Variants in FBXO47 observed in about 807,000 individuals in gnomAD.
FBXO47 encodes the protein F-box only protein 47.
A neutral mutation model predicts 53.9 loss-of-function variants in FBXO47; 34 were observed. That is an observed-to-expected ratio of 0.63 (90% CI 0.48 to 0.84). The LOEUF (loss-of-function observed/expected upper bound fraction) is 0.84, where lower values mean the gene tolerates loss of function less well. Ranked by LOEUF, FBXO47 falls within the 40% of genes least tolerant of loss-of-function variation. The pLI is 0.00. For missense variants in FBXO47, 485 were observed against 541.3 expected (o/e 0.90, Z 1.03); for synonymous variants, 165 against 181.6 (o/e 0.91, Z 0.73).
chr17:38,958,895 G>C (rs1485903877), intron 3 of FBXO47, among the ~76,000 whole-genome samples: 1 of 152,004 alleles, frequency 6.6e-6, no homozygotes, highest in Non-Finnish European at 1.5e-5. Flanking sequence ...TTCAGTGTTT[G>C]GTTTTTAAGC....
Position 38,951,664 on chromosome 17 carries a change from A to G in FBXO47, c.533T>C (p.Leu178Pro), listed in dbSNP as rs1323136654. Residue 178 changes from leucine (L) to proline (P), a missense_variant, in exon 6 of 11, where the codon CTT (leucine) becomes CCT (proline). Physicochemically the swap from Leu to Pro is moderately conservative, Grantham distance 98. Coordinates refer to ENST00000378079, the MANE Select transcript of FBXO47 (RefSeq NM_001008777.3). ...LQTLTAGWDE[L>P]ECHRVYNFLC... ...GAAATTATAAACGCGATGGCACTCA[A>G]GTTCATCCCAACCTGCTGTTAAGGT... 4.3e-6 allele frequency: 7 copies of G among 1,613,752 alleles called. No homozygotes were observed. Among genetic ancestry groups the G allele is most frequent in the Non-Finnish European group, 5.9e-6 (7 of 1,179,750 alleles).
Position 38,957,192 on chromosome 17 carries a change from G to C in FBXO47, c.414C>G (p.His138Gln). 6.2e-7 allele frequency: 1 copy of C among 1,604,416 alleles called. No homozygotes were observed. Among genetic ancestry groups the C allele is most frequent in the Non-Finnish European group, 8.5e-7 (1 of 1,171,750 alleles). Residue 138 changes from histidine (H) to glutamine (Q), a missense_variant, in exon 4 of 11, where the codon CAC (histidine) becomes CAG (glutamine). By Grantham distance (24) the His-to-Gln change is conservative. Coordinates refer to ENST00000378079, the MANE Select transcript of FBXO47 (RefSeq NM_001008777.3). ...ATGATCTTACTTCTGTGAGTATCTT[G>C]TGAATGTATTTTAGCCTTTCCTTGG... The part of the protein sequence containing the change: ...LPTKERLKYI[H>Q]KILTEVSCFK...
rs79018850 is a variant in FBXO47, at chr17:38,942,006, A to G, written c.1083+772T>C. 4.4e-3 allele frequency among the ~76,000 whole-genome samples: 666 copies of G among 152,088 alleles called. 9 individuals carry two copies. The highest frequency in any genetic ancestry group is 0.021 in the South Asian group (102 of 4,816). The stretch of plus-strand genomic sequence containing the variant: ...ATATTTTTAAGACTTTTTATTTTGA[A>G]ACATTTTGACTATACAAAATTAGAG... On this transcript the variant is annotated intron_variant, in intron 9 of 10. Transcript: ENST00000378079.
rs1915595526 is a variant in FBXO47, at chr17:38,937,009, TTAA to T, written c.*163_*165del. ...CTTGAGGCTGCCTGTTATTTTTATA[TTAA>T]TAATGATGTACGTAGTTGCTTCTAA... On this transcript the variant is annotated 3_prime_UTR_variant, in exon 11 of 11. Coordinates refer to ENST00000378079, the MANE Select transcript of FBXO47 (RefSeq NM_001008777.3). 1 of 410,632 alleles carries T rather than the reference TTAA, an allele frequency of 2.4e-6. No homozygotes were observed. The highest frequency in any genetic ancestry group is 4.3e-6 in the Non-Finnish European group (1 of 232,598). The allele number at this position is 410,632 out of a possible 1,614,324, so 25.4% of individuals were successfully genotyped here.
At chr17:38,963,291 C>A (rs957363306) in intron 1 of FBXO47, among the ~76,000 whole-genome samples, 2 of 151,974 alleles carry the variant, frequency 1.3e-5, no homozygotes, top group Admixed American at 1.3e-4. Context: ...GGTTCTTCTG[C>A]CTCAGCCTCC....
chr17:38,963,009 T>C lies in FBXO47; in HGVS notation c.17A>G (p.Asn6Ser). 1 of 1,612,410 alleles carries C rather than the reference T, an allele frequency of 6.2e-7. No individual in the cohort carries two copies. The highest frequency in any genetic ancestry group is 8.5e-7 in the Non-Finnish European group (1 of 1,178,770). MASRI[N>S]TNFTLIPNQK... ...GTTGGGAATCAAAGTGAAATTTGTA[T>C]TTATTCTGGATGCCATTCTTCTTCT... Residue 6 changes from asparagine (N) to serine (S), a missense_variant, in exon 2 of 11, where the codon AAT becomes AGT. Coordinates refer to ENST00000378079, the MANE Select transcript of FBXO47 (RefSeq NM_001008777.3).
intron 6 of FBXO47, among the ~76,000 whole-genome samples, chr17:38,947,107 CAT>C (rs376417023): frequency 5.1e-4 from 46 of 90,310 alleles, no homozygotes; most frequent in South Asian, 4.3e-3. Flanking sequence ...TATATATAAA[CAT>C]ATATATATAA....
chr17:38,962,959 G>C lies in FBXO47; in HGVS notation c.67C>G (p.Gln23Glu), dbSNP rs145254502. The change falls in exon 2 of 11, where the codon CAA becomes GAA. Residue 23 changes from glutamine (Q) to glutamate (E), a missense_variant. By Grantham distance (29) the Gln-to-Glu change is conservative. Transcript: ENST00000378079. ...AGGGTCTTGGAATAACAGCTGGTTT[G>C]ACGATTACTACGTCTAAGTTTCTGG... ...PNQKLRRSNR[Q>E]TSCYSKTLGS... 3.0e-4 allele frequency: 480 copies of C among 1,613,174 alleles called. 2 individuals are homozygous for C. The East Asian group carries it at 8.8e-3, about 30-fold the overall frequency.
intron 10 of FBXO47, among the ~76,000 whole-genome samples, chr17:38,937,836 T>G (rs1194023227): frequency 6.6e-6 from 1 of 151,760 alleles, no homozygotes; most frequent in Non-Finnish European, 1.5e-5. Flanking sequence ...CCCAGCTAAT[T>G]TTTTTGTATT....
intron 5 of FBXO47, among the ~76,000 whole-genome samples, chr17:38,952,141 AC>A (rs1394607938): frequency 2.0e-5 from 3 of 152,100 alleles, no homozygotes; most frequent in African/African-American, 7.2e-5. Flanking sequence ...CCTGGCTAAC[AC>A]GGTGAAACCC....
At chr17:38,952,896 G>A (rs1227434186) in intron 5 of FBXO47, among the ~76,000 whole-genome samples, 2 of 146,654 alleles carry the variant, frequency 1.4e-5, no homozygotes, top group African/African-American at 2.5e-5. Context: ...TCAGGTGATC[G>A]GCCTGCATCA....
At chr17:38,963,750 A>C (rs1225316317) in intron 1 of FBXO47, among the ~76,000 whole-genome samples, 1 of 151,752 alleles carries the variant, frequency 6.6e-6, no homozygotes, top group East Asian at 1.9e-4. Flanking sequence ...AGTGAATTAA[A>C]GTCTTTCTTC....
At chr17:38,958,866 A>G (rs551241081) in intron 3 of FBXO47, among the ~76,000 whole-genome samples, 18 of 152,280 alleles carry the variant, frequency 1.2e-4, no homozygotes, top group Admixed American at 8.5e-4. Context: ...TTGACAACTA[A>G]GGGAAAAAAA....
chr17:38,943,126 C>T (rs1904585857), intron 8 of FBXO47, among the ~76,000 whole-genome samples: 1 of 152,102 alleles, frequency 6.6e-6, no homozygotes, highest in East Asian at 1.9e-4. Context: ...TACAAATGTA[C>T]TAATAATATA....
intron 1 of FBXO47, among the ~76,000 whole-genome samples, chr17:38,963,667 C>T (rs7213323): frequency 0.42 from 63,162 of 151,846 alleles, 13,757 homozygotes; most frequent in African/African-American, 0.53. Flanking sequence ...GTGGCTCACG[C>T]CTGTAATCCC....
Position 38,939,238 on chromosome 17 carries a change from AGCG to A in FBXO47, c.1084-509_1084-507del, listed in dbSNP as rs546364220. Among the ~76,000 whole-genome samples the A allele has an allele frequency of 2.4e-3, 322 of 133,868 alleles. 2 individuals carry two copies. Among genetic ancestry groups the A allele is most frequent in the African/African-American group, 8.3e-3 (295 of 35,606 alleles). 87.8% of individuals were successfully genotyped at this position (133,868 alleles called of 152,430 possible). A position where few individuals can be genotyped will look rare whatever the true frequency, so the allele number is the denominator to read the frequency against. On this transcript the variant is annotated intron_variant, in intron 9 of 10. Transcript: ENST00000378079. ...AACTCAGGAGGCGGAGGATGCAGTG[AGCG>A]GAGATCATACCACTGCACTCCAGCC...
chr17:38,955,032 A>G, intron 4 of FBXO47, 99 bp from the exon 5 acceptor site: 1 of 908,258 alleles, frequency 1.1e-6, no homozygotes, highest in Non-Finnish European at 1.7e-6. Flanking sequence ...GAAATAAGCA[A>G]GAATTTTTTC....
At chr17:38,964,287 C>T (rs1905975518) in intron 1 of FBXO47, among the ~76,000 whole-genome samples, 1 of 151,962 alleles carries the variant, frequency 6.6e-6, no homozygotes, top group Non-Finnish European at 1.5e-5. Flanking sequence ...TGGTGAAACC[C>T]CGTCTCTACT....
In FBXO47 at chr17:38,940,973, T is replaced by A. The variant is rs371602918; in HGVS notation, c.1083+1805A>T. Among the ~76,000 whole-genome samples, 8 of 151,542 alleles carry A rather than the reference T, an allele frequency of 5.3e-5. No homozygotes were observed. The South Asian group carries it at 1.7e-3, about 31-fold the overall frequency. On this transcript the variant is annotated intron_variant, in intron 9 of 10. Transcript: ENST00000378079. ...GGATTATAGACATGAACCAATGCAC[T>A]CAGCCTTTTATTTAAGTAATTTATT...
Sources: gnomAD v4.1 joint callset for allele counts (sites outside exome capture counted in the v4.1 genomes callset) on GRCh38, gnomAD v4.1.1 for gene constraint, MANE v1.5 for transcripts, NCBI Gene and HGNC (gene_info 2026-07-23, HGNC 2026-07-21) for gene names.